The following PLA2G15 variants were observed in gnomAD, a reference collection of about 807,000 sequenced individuals.
The protein encoded by PLA2G15 is phospholipase A2 group XV, also known as lysosomal phospholipase A and acyltransferase.
A neutral mutation model predicts 40.9 loss-of-function variants in PLA2G15; 20 were observed. The ratio of observed to expected loss-of-function variants is 0.49; its 90% CI spans 0.34 to 0.71. The LOEUF (loss-of-function observed/expected upper bound fraction) is 0.71. Ranked by LOEUF, PLA2G15 falls within the 30% of genes least tolerant of loss-of-function variation. The pLI, the probability that PLA2G15 is intolerant of heterozygous loss-of-function variation, is 0.01. For missense variants in PLA2G15, 471 were observed against 541.9 expected (o/e 0.87, Z 1.30); for synonymous variants, 223 against 228.2 (o/e 0.98, Z 0.21).
rs1011911850 is a variant in PLA2G15, at chr16:68,260,820, T to G, written c.*1163T>G. On this transcript the variant is annotated 3_prime_UTR_variant, in exon 6 of 6. Coordinates refer to ENST00000219345, the MANE Select transcript of PLA2G15 (RefSeq NM_012320.4). ...AGAGTCAGGGCTGCCTTCATGGCAGTAGGCTCTAAGTGGGTGACTGGCCAC... is the reference window on the plus strand; with the variant it reads ...AGAGTCAGGGCTGCCTTCATGGCAGGAGGCTCTAAGTGGGTGACTGGCCAC... 2.0e-5 allele frequency: 3 copies of G among 152,294 alleles called. No homozygotes were observed. The highest frequency in any genetic ancestry group is 1.3e-4 in the Admixed American group (2 of 15,288). The allele number at this position is 152,294 out of a possible 1,614,324, so 9.4% of individuals were successfully genotyped here. A position where few individuals can be genotyped will look rare whatever the true frequency, so the allele number is the denominator to read the frequency against.
rs2042422393 is a variant in PLA2G15 at position 68,259,023 on chromosome 16, G to T, written c.728-123G>T. ...ACAGTGATTACAATGATGATAACCG[G>T]GTAGAGATGCGGGACTGTGGACTGG... On this transcript the variant is annotated intron_variant, in intron 5 of 5. Coordinates refer to ENST00000219345, the MANE Select transcript of PLA2G15 (RefSeq NM_012320.4). This position sits in a 1 kb window ranked among gnomAD's most constrained non-coding sequence, Gnocchi z 6.5. 2 of 734,290 alleles carry T rather than the reference G, an allele frequency of 2.7e-6. No individual in the cohort carries two copies. Among genetic ancestry groups the T allele is most frequent in the African/African-American group, 3.5e-5 (2 of 56,830 alleles). 45.5% of individuals were successfully genotyped at this position (734,290 alleles called of 1,614,324 possible). A position where few individuals can be genotyped will look rare whatever the true frequency, so the allele number is the denominator to read the frequency against.
chr16:68,252,568 G>T (rs1334302261), intron 2 of PLA2G15: 1 of 455,900 alleles, frequency 2.2e-6, no homozygotes, highest in South Asian at 1.5e-5. Flanking sequence ...CCTGAGGCGG[G>T]GTCTGTCCTG....
Position 68,259,876 on chromosome 16 carries a change from G to A in PLA2G15, c.*219G>A. 1.7e-6 allele frequency: 1 copy of A among 590,846 alleles called. No homozygotes were observed. The highest frequency in any genetic ancestry group is 3.0e-6 in the Non-Finnish European group (1 of 333,006). The allele number at this position is 590,846 out of a possible 1,614,324, so 36.6% of individuals were successfully genotyped here. On this transcript the variant is annotated 3_prime_UTR_variant, in exon 6 of 6. Transcript: ENST00000219345. The surrounding 1 kb of genome is among the most constrained non-coding windows in gnomAD (Gnocchi z 6.5). Reference sequence around the variant, plus strand: ...GTCTAGACTCAAGGGACACTGGATGGCAAGAATGCTGCTGATGGTGGAACT... The same window carrying A: ...GTCTAGACTCAAGGGACACTGGATGACAAGAATGCTGCTGATGGTGGAACT...
chr16:68,249,557 C>T, intron 2 of PLA2G15, 111 bp downstream of exon 2: 1 of 1,024,116 alleles, frequency 9.8e-7, no homozygotes, highest in African/African-American at 1.6e-5. Flanking sequence ...CTCTCCTTCC[C>T]CAGGTCCTCG....
At chr16:68,254,758 C>T (rs1169975330) in intron 2 of PLA2G15, 161 bp from the exon 3 acceptor site, 1 of 640,266 alleles carries the variant, frequency 1.6e-6, no homozygotes, top group African/African-American at 1.8e-5. Flanking sequence ...TACAGGTGAT[C>T]TGTGCTTTAT....
Position 68,245,403 on chromosome 16 carries a change from G to C in PLA2G15, c.-24G>C, listed in dbSNP as rs781042611. Reference sequence around the variant, plus strand: ...CCCAGAGAGCTGAACCTGCATCCCGGACCTGCGGCGACCGTCGTACACCAT... The same window carrying C: ...CCCAGAGAGCTGAACCTGCATCCCGCACCTGCGGCGACCGTCGTACACCAT... On this transcript the variant is annotated 5_prime_UTR_variant, in exon 1 of 6. Coordinates refer to ENST00000219345, the MANE Select transcript of PLA2G15 (RefSeq NM_012320.4). 1 of 1,600,554 alleles carries C rather than the reference G, an allele frequency of 6.2e-7. No individual in the cohort carries two copies. Among genetic ancestry groups the C allele is most frequent in the Non-Finnish European group, 8.5e-7 (1 of 1,179,014 alleles).
intron 2 of PLA2G15, 82 bp downstream of exon 2, chr16:68,249,528 A>C: frequency 9.7e-6 from 13 of 1,335,160 alleles, no homozygotes; most frequent in Non-Finnish European, 1.4e-5. Context: ...TTCTATCCTC[A>C]TCTCGAGGTC....
intron 2 of PLA2G15, among the ~76,000 whole-genome samples, chr16:68,251,728 C>G (rs2042355958): frequency 6.6e-6 from 1 of 152,016 alleles, no homozygotes; most frequent in South Asian, 2.1e-4. Flanking sequence ...GGCGTGGTGG[C>G]ACACGCCCAT....
In PLA2G15 at chr16:68,249,350, A is replaced by G. The variant is rs781776341; in HGVS notation, c.188A>G (p.Tyr63Cys). 6.2e-7 allele frequency: 1 copy of G among 1,613,746 alleles called. No homozygotes were observed. The highest frequency in any genetic ancestry group is 8.5e-7 in the Non-Finnish European group (1 of 1,179,734). The change falls in exon 2 of 6, where the codon TAC becomes TGC. Residue 63 changes from tyrosine to cysteine, a missense_variant. Tyr to Cys is a radical substitution (Grantham distance 194). Coordinates refer to ENST00000219345, the MANE Select transcript of PLA2G15 (RefSeq NM_012320.4). ...CTGGACAAGCCGACAGTGGTGCACT[A>G]CCTCTGCTCCAAGAAGACCGAAAGC... ...AKLDKPTVVH[Y>C]LCSKKTESYF...
chr16:68,251,988 T>C (rs1358023068), intron 2 of PLA2G15, among the ~76,000 whole-genome samples: 2 of 152,138 alleles, frequency 1.3e-5, no homozygotes, highest in African/African-American at 2.4e-5. Flanking sequence ...TGACTGGGGT[T>C]ATTTCTGGGC....
In PLA2G15 at chr16:68,245,440, T is replaced by G; in HGVS notation, c.14T>G (p.Leu5Arg). ...CCGTCGTACACCATGGGCCTCCACCTCCGCCCCTACCGTGTGGGGCTGCTC... is the reference window on the plus strand; with the variant it reads ...CCGTCGTACACCATGGGCCTCCACCGCCGCCCCTACCGTGTGGGGCTGCTC... MGLHLRPYRVGLLPD... is the reference protein window; with the variant it reads MGLHRRPYRVGLLPD... Residue 5 changes from leucine (L) to arginine (R), a missense_variant, in exon 1 of 6, where the codon CTC becomes CGC. Physicochemically the swap from Leu to Arg is moderately radical, Grantham distance 102. Coordinates refer to ENST00000219345, the MANE Select transcript of PLA2G15 (RefSeq NM_012320.4). 4 of 1,605,060 alleles carry G rather than the reference T, an allele frequency of 2.5e-6. No individual in the cohort carries two copies. The highest frequency in any genetic ancestry group is 3.4e-6 in the Non-Finnish European group (4 of 1,179,744).
chr16:68,257,556 C>T (rs2042412526), intron 5 of PLA2G15, among the ~76,000 whole-genome samples: 2 of 152,224 alleles, frequency 1.3e-5, no homozygotes, highest in Non-Finnish European at 2.9e-5. Context: ...TTTCCTCCCT[C>T]TGCTAGGACT....
At chr16:68,246,004 C>CT (rs2042305936) in intron 1 of PLA2G15, among the ~76,000 whole-genome samples, 2 of 151,932 alleles carry the variant, frequency 1.3e-5, no homozygotes, top group Non-Finnish European at 2.9e-5. Context: ...GAAGGCATTG[C>CT]TGAAAGGAAC....
chr16:68,255,580 C>A lies in PLA2G15; in HGVS notation c.503-186C>A. The A allele has an allele frequency of 1.5e-6, 1 of 645,424 alleles. No individual in the cohort carries two copies. Among genetic ancestry groups the A allele is most frequent in the Non-Finnish European group, 2.7e-6 (1 of 367,308 alleles). 40.0% of individuals were successfully genotyped at this position (645,424 alleles called of 1,614,324 possible). On this transcript the variant is annotated intron_variant, in intron 4 of 5. Coordinates refer to ENST00000219345, the MANE Select transcript of PLA2G15 (RefSeq NM_012320.4). The surrounding 1 kb of genome is among the most constrained non-coding windows in gnomAD (Gnocchi z 5.9). The stretch of plus-strand genomic sequence containing the variant: ...CATTTCCCACCCTGGGACCTCTGGG[C>A]CTGTGAGCCCTGGGGAGAAATATAA...
intron 1 of PLA2G15, among the ~76,000 whole-genome samples, chr16:68,246,946 G>A (rs111480058): frequency 4.6e-5 from 7 of 152,250 alleles, no homozygotes; most frequent in African/African-American, 1.2e-4. Context: ...TCTGAGGGGC[G>A]TGGCATTAGG....
chr16:68,253,485 C>T (rs780660488), intron 2 of PLA2G15: 6 of 423,318 alleles, frequency 1.4e-5, no homozygotes, highest in Non-Finnish European at 1.9e-5. Flanking sequence ...AAGCACTTCT[C>T]CTGCCTCAGA....
chr16:68,259,323 T>C lies in PLA2G15; in HGVS notation c.905T>C (p.Ile302Thr). ...GACTACCGCAAGTTCTTCCAGGACA[T>C]CGGCTTTGAAGATGGCTGGCTCATG... ...LRDYRKFFQD[I>T]GFEDGWLMRQ... The change falls in exon 6 of 6, where the codon ATC (isoleucine) becomes ACC (threonine). Residue 302 changes from isoleucine to threonine, a missense_variant. Ile to Thr is a moderately conservative substitution (Grantham distance 89). Transcript: ENST00000219345. This position sits in a 1 kb window ranked among gnomAD's most constrained non-coding sequence, Gnocchi z 6.5. The C allele has an allele frequency of 6.2e-7, 1 of 1,614,046 alleles. No individual in the cohort carries two copies. Among genetic ancestry groups the C allele is most frequent in the Non-Finnish European group, 8.5e-7 (1 of 1,180,026 alleles).
chr16:68,247,739 A>G (rs1317991647), intron 1 of PLA2G15, among the ~76,000 whole-genome samples: 1 of 152,238 alleles, frequency 6.6e-6, no homozygotes, highest in African/African-American at 2.4e-5. Flanking sequence ...GATGGTGCCC[A>G]GGGAGGGCAC....
At chr16:68,251,285 G>A (rs771972910) in intron 2 of PLA2G15, among the ~76,000 whole-genome samples, 7 of 152,180 alleles carry the variant, frequency 4.6e-5, no homozygotes, top group Admixed American at 6.5e-5. Context: ...GCTGAGTTCC[G>A]TGAAGGGAGG....
Sources: gnomAD v4.1 joint callset for allele counts (sites outside exome capture counted in the v4.1 genomes callset) on GRCh38, gnomAD v4.1.1 for gene constraint, Gnocchi (gnomAD v3.1) non-coding constraint, MANE v1.5 for transcripts, NCBI Gene and HGNC (gene_info 2026-07-23, HGNC 2026-07-21) for gene names.